DPP10: variants seen among roughly 807,000 people sequenced by gnomAD.
DPP10 encodes the protein inactive dipeptidyl peptidase 10.
In DPP10, 33 loss-of-function variants were observed where a neutral mutation model predicts 120.9. The ratio of observed to expected loss-of-function variants is 0.27; its 90% CI spans 0.21 to 0.37. The LOEUF is 0.37. DPP10 is among the 10% of genes least tolerant of loss of function. The pLI, the probability that DPP10 is intolerant of heterozygous loss-of-function variation, is 1.00. For missense variants in DPP10, 816 were observed against 942.8 expected (o/e 0.87, Z 1.76); for synonymous variants, 337 against 326.1 (o/e 1.03, Z -0.36).
chr2:115,001,560 GAA>G (rs1701440126), intron 1 of DPP10, among the ~76,000 whole-genome samples: 2 of 152,098 alleles, frequency 1.3e-5, no homozygotes, highest in Non-Finnish European at 1.5e-5. Context: ...TCAGGCAAGA[GAA>G]AGAAATAAAA....
chr2:114,573,731 C>A (rs912938244), intron 1 of DPP10, among the ~76,000 whole-genome samples: 1 of 152,138 alleles, frequency 6.6e-6, no homozygotes, highest in African/African-American at 2.4e-5. Flanking sequence ...AGAAAACACT[C>A]ACATATGGAA....
intron 10 of DPP10, among the ~76,000 whole-genome samples, chr2:115,751,283 T>C (rs759269942): frequency 5.3e-5 from 8 of 152,188 alleles, no homozygotes; most frequent in Non-Finnish European, 1.0e-4. Flanking sequence ...AATATTCACA[T>C]TGCTAAATAT....
chr2:114,499,573 CTTT>C lies in DPP10; in HGVS notation c.60+56745_60+56747del, dbSNP rs111641069. The stretch of plus-strand genomic sequence containing the variant: ...TTAGCACAAGATGCTTTTGCAAAGG[CTTT>C]TTTTTTTTTCTGGGTTAAGAGCAGG... On this transcript the variant is annotated intron_variant, in intron 1 of 25. Transcript: ENST00000410059. Among the ~76,000 whole-genome samples the C allele has an allele frequency of 8.4e-4, 122 of 146,074 alleles. 1 individual carries two copies. The highest frequency in any genetic ancestry group is 3.6e-3 in the Middle Eastern group (1 of 278).
chr2:115,712,596 A>G (rs1444957251), intron 7 of DPP10, among the ~76,000 whole-genome samples: 16 of 127,718 alleles, frequency 1.3e-4, no homozygotes, highest in African/African-American at 3.9e-4. Context: ...ATTTAACACA[A>G]TGTTTCATAG....
intron 1 of DPP10, among the ~76,000 whole-genome samples, chr2:114,920,856 A>C (rs1460481649): frequency 6.6e-6 from 1 of 152,204 alleles, no homozygotes; most frequent in African/African-American, 2.4e-5. Flanking sequence ...GTTTGGGTAC[A>C]CATGGCAATA....
intron 1 of DPP10, among the ~76,000 whole-genome samples, chr2:114,974,023 G>T (rs2104807452): frequency 6.6e-6 from 1 of 152,212 alleles, no homozygotes; most frequent in Non-Finnish European, 1.5e-5. Context: ...TATTACAGAA[G>T]AATCAGAAAG....
intron 5 of DPP10, among the ~76,000 whole-genome samples, chr2:115,626,077 A>G (rs2085334603): frequency 6.6e-6 from 1 of 151,600 alleles, no homozygotes; most frequent in Non-Finnish European, 1.5e-5. Flanking sequence ...AACAGAAACT[A>G]AAAAATAGTT....
intron 1 of DPP10, chr2:115,064,629 C>A: frequency 1.6e-6 from 2 of 1,269,142 alleles, no homozygotes; most frequent in Non-Finnish European, 2.1e-6. Flanking sequence ...GCTTCCTGTA[C>A]TTATATGTGA....
intron 3 of DPP10, among the ~76,000 whole-genome samples, chr2:115,365,377 G>C (rs1487381944): frequency 6.6e-6 from 1 of 151,764 alleles, no homozygotes; most frequent in Non-Finnish European, 1.5e-5. Flanking sequence ...TATGGTTTAG[G>C]TGGGCTTCTT....
At chr2:114,816,852 A>G (rs149948880) in intron 1 of DPP10, among the ~76,000 whole-genome samples, 430 of 152,142 alleles carry the variant, frequency 2.8e-3, no homozygotes, top group Middle Eastern at 0.02. Context: ...AAGATCAGAA[A>G]CTCCTGCAAA....
At chr2:115,245,142 A>G (rs79124487) in intron 1 of DPP10, among the ~76,000 whole-genome samples, 1 of 151,688 alleles carries the variant, frequency 6.6e-6, no homozygotes, top group South Asian at 2.1e-4. Context: ...ATGATCTCCA[A>G]CTCCATTTGG....
At position 114,644,136 on chromosome 2, in the gene DPP10, G is replaced by A. The variant is rs1324175135; in HGVS notation, c.60+201298G>A. ...TTTTTGTATTTTTAGTAGAGATGGG[G>A]TTTTACTATGTTGGCCAGGCTGGTC... On this transcript the variant is annotated intron_variant, in intron 1 of 25. Transcript: ENST00000410059. Among the ~76,000 whole-genome samples the A allele has an allele frequency of 6.0e-5, 9 of 149,326 alleles. 1 individual carries two copies. The highest frequency in any genetic ancestry group is 4.2e-4 in the South Asian group (2 of 4,708).
At chr2:114,767,056 G>C (rs1173294176) in intron 1 of DPP10, among the ~76,000 whole-genome samples, 4 of 142,298 alleles carry the variant, frequency 2.8e-5, no homozygotes, top group African/African-American at 1.0e-4. Flanking sequence ...GGGACTCTGA[G>C]TACTTTTGTT....
At chr2:115,476,023 G>A (rs1042646971) in intron 3 of DPP10, among the ~76,000 whole-genome samples, 3 of 152,078 alleles carry the variant, frequency 2.0e-5, no homozygotes, top group African/African-American at 7.2e-5. Flanking sequence ...ACTGGAGTGA[G>A]TTAAGACTCG....
intron 5 of DPP10, among the ~76,000 whole-genome samples, chr2:115,688,844 T>G (rs1288794449): frequency 6.6e-6 from 1 of 152,210 alleles, no homozygotes; most frequent in Non-Finnish European, 1.5e-5. Flanking sequence ...TACATACTTG[T>G]AGCCATCTGC....
intron 1 of DPP10, among the ~76,000 whole-genome samples, chr2:114,698,064 T>G (rs1700170748): frequency 6.6e-6 from 1 of 152,130 alleles, no homozygotes; most frequent in South Asian, 2.1e-4. Context: ...ATGTTGGAAT[T>G]AAAACCCAGG....
intron 1 of DPP10, among the ~76,000 whole-genome samples, chr2:115,198,240 C>T (rs571107589): frequency 6.6e-5 from 10 of 152,178 alleles, no homozygotes; most frequent in South Asian, 2.1e-4. Context: ...TTCCCCAGCT[C>T]GCTCAGAGTA....
At chr2:115,762,485 A>C in intron 11 of DPP10, 87 bp from the exon 12 acceptor site, 1 of 1,405,080 alleles carries the variant, frequency 7.1e-7, no homozygotes, top group East Asian at 2.3e-5. Flanking sequence ...GGGAAAAAAA[A>C]CTGATAACCG....
chr2:115,328,775 G>C (rs1156376961), intron 2 of DPP10, among the ~76,000 whole-genome samples: 1 of 152,094 alleles, frequency 6.6e-6, no homozygotes, highest in East Asian at 1.9e-4. Flanking sequence ...GTTCACTAGA[G>C]TCCTTAGAAC....
Sources: allele counts gnomAD v4.1 joint callset (sites outside exome capture counted in the v4.1 genomes callset), GRCh38; gene constraint gnomAD v4.1.1; transcripts MANE v1.5; gene names NCBI Gene and HGNC (gene_info 2026-07-23, HGNC 2026-07-21).